The following WRN variants were observed in gnomAD, a reference collection of about 807,000 sequenced individuals.
WRN encodes bifunctional 3'-5' exonuclease/ATP-dependent helicase WRN.
Under a neutral mutation model 180.7 loss-of-function variants are expected in WRN, and 149 were observed. The observed-to-expected ratio is 0.82, with a 90% CI of 0.72 to 0.94. The LOEUF (loss-of-function observed/expected upper bound fraction) is 0.94. Among genes scored for constraint, WRN ranks in the 40% least tolerant of loss-of-function variants. The pLI, the probability that WRN is intolerant of heterozygous loss-of-function variation, is 0.00. For missense variants in WRN, 1,661 were observed against 1,700.1 expected (o/e 0.98, Z 0.40); for synonymous variants, 548 against 568.9 (o/e 0.96, Z 0.52).
At chr8:31,118,256 C>T (rs193004260) in intron 20 of WRN, among the ~76,000 whole-genome samples, 2 of 152,096 alleles carry the variant, frequency 1.3e-5, no homozygotes, top group Admixed American at 6.6e-5. Flanking sequence ...GTATGTGTTG[C>T]GGTATTCTCC....
intron 7 of WRN, 146 bp downstream of exon 7, chr8:31,068,473 C>A: frequency 1.5e-6 from 1 of 670,918 alleles, no homozygotes. Flanking sequence ...TGGGATCCAT[C>A]AGGGCCCAAG....
chr8:31,079,031 A>G (rs1813202493), intron 8 of WRN, among the ~76,000 whole-genome samples: 1 of 152,208 alleles, frequency 6.6e-6, no homozygotes, highest in Non-Finnish European at 1.5e-5. Context: ...CTACTAAACT[A>G]TTTGCATATA....
intron 7 of WRN, among the ~76,000 whole-genome samples, chr8:31,070,584 A>G (rs1228487492): frequency 6.6e-6 from 1 of 152,078 alleles, no homozygotes; most frequent in African/African-American, 2.4e-5. Context: ...TATTGGGGAT[A>G]TAGATGAGTG....
intron 19 of WRN, among the ~76,000 whole-genome samples, chr8:31,114,789 A>C (rs1376065725): frequency 6.6e-6 from 1 of 151,884 alleles, no homozygotes; most frequent in Non-Finnish European, 1.5e-5. Context: ...CTATCTTTCC[A>C]TATATTGCAT....
chr8:31,148,255 C>G (rs1170773977), intron 30 of WRN, among the ~76,000 whole-genome samples: 2 of 151,852 alleles, frequency 1.3e-5, no homozygotes, highest in African/African-American at 4.8e-5. Context: ...CTATGCCTTC[C>G]TCCTCCTTCT....
intron 6 of WRN, 99 bp downstream of exon 6, chr8:31,067,281 C>A: frequency 7.4e-7 from 1 of 1,348,842 alleles, no homozygotes; most frequent in Non-Finnish European, 1.0e-6. Context: ...AGAAACTCTA[C>A]CAAAATATTT....
chr8:31,075,094 T>C (rs1813048048), intron 7 of WRN, among the ~76,000 whole-genome samples: 1 of 152,152 alleles, frequency 6.6e-6, no homozygotes, highest in African/African-American at 2.4e-5. Context: ...CCTGTGGATG[T>C]TGAACTCACT....
chr8:31,061,540 TA>T (rs980477386), intron 3 of WRN, among the ~76,000 whole-genome samples: 1 of 151,708 alleles, frequency 6.6e-6, no homozygotes, highest in African/African-American at 2.4e-5. Flanking sequence ...TTTTTTTTTT[TA>T]ATTAGGCATT....
chr8:31,054,288 G>A (rs1812182676), intron 1 of WRN, among the ~76,000 whole-genome samples: 1 of 152,102 alleles, frequency 6.6e-6, no homozygotes, highest in African/African-American at 2.4e-5. Context: ...TGAAAGTAAG[G>A]TGAAAGGGAA....
chr8:31,070,547 C>G (rs1789831744), intron 7 of WRN, among the ~76,000 whole-genome samples: 1 of 152,026 alleles, frequency 6.6e-6, no homozygotes, highest in African/African-American at 2.4e-5. Context: ...GCCAGGCATA[C>G]TCTGTTTCCT....
rs73670549 is a variant in WRN, at chr8:31,072,720, G to A, written c.725-3453G>A. Among the ~76,000 whole-genome samples the A allele has an allele frequency of 4.7e-3, 709 of 152,318 alleles. 7 individuals are homozygous for A. The highest frequency in any genetic ancestry group is 0.016 in the African/African-American group (665 of 41,566). ...TGTTCTAGAAGCTTAGTTTGGAAAG[G>A]GAACGTTTATTGATGCATATAACAC... On this transcript the variant is annotated intron_variant, in intron 7 of 34. Transcript: ENST00000298139.
rs762881466 is a variant in WRN at position 31,116,527 on chromosome 8, A to G, written c.2447A>G (p.Gln816Arg). ...CATAGGTTTGTAAGAGATGAAATTC[A>G]GGTATGAGGATCAATCATCATTGCT... ...IHHRFVRDEI[Q>R]CVIATIAFGM... Residue 816 changes from glutamine (Q) to arginine (R), a missense_variant and splice_region_variant, in exon 20 of 35, where the codon CAG becomes CGG. Coordinates refer to ENST00000298139, the MANE Select transcript of WRN (RefSeq NM_000553.6). 1.2e-6 allele frequency: 2 copies of G among 1,613,694 alleles called. No individual in the cohort carries two copies. Among genetic ancestry groups the G allele is most frequent in the Admixed American group, 1.7e-5 (1 of 60,024 alleles).
chr8:31,118,244 A>G (rs2130312619), intron 20 of WRN, among the ~76,000 whole-genome samples: 1 of 152,200 alleles, frequency 6.6e-6, no homozygotes, highest in South Asian at 2.1e-4. Flanking sequence ...GAGTATATGC[A>G]TGTATGTGTT....
intron 31 of WRN, among the ~76,000 whole-genome samples, chr8:31,151,568 A>T (rs1803129139): frequency 1.3e-5 from 2 of 152,212 alleles, no homozygotes; most frequent in Non-Finnish European, 1.5e-5. Context: ...AAAGAATATC[A>T]TACCTACCAG....
intron 33 of WRN, among the ~76,000 whole-genome samples, chr8:31,160,765 A>C (rs1803579140): frequency 6.6e-6 from 1 of 152,114 alleles, no homozygotes; most frequent in South Asian, 2.1e-4. Flanking sequence ...CGGGCAGGTC[A>C]CTGAGGTCAG....
intron 18 of WRN, among the ~76,000 whole-genome samples, chr8:31,103,557 T>C (rs1330341916): frequency 9.2e-6 from 1 of 108,302 alleles, no homozygotes. Flanking sequence ...AAGTACCACA[T>C]GACTATTTTT....
At chr8:31,097,348 A>C (rs1194303594) in intron 17 of WRN, among the ~76,000 whole-genome samples, 1 of 152,186 alleles carries the variant, frequency 6.6e-6, no homozygotes, top group Admixed American at 6.5e-5. Flanking sequence ...CCCAACTCTG[A>C]AAATTCTGAT....
At chr8:31,153,265 C>G (rs1296146415) in intron 31 of WRN, among the ~76,000 whole-genome samples, 1 of 152,142 alleles carries the variant, frequency 6.6e-6, no homozygotes, top group Non-Finnish European at 1.5e-5. Flanking sequence ...TTCCCCAAAA[C>G]CCAACTACCC....
chr8:31,110,715 TC>T (rs1801279216), intron 18 of WRN, among the ~76,000 whole-genome samples: 1 of 152,182 alleles, frequency 6.6e-6, no homozygotes, highest in Non-Finnish European at 1.5e-5. Flanking sequence ...GAATATTGTT[TC>T]TTGTATCTGT....
Sources: allele counts gnomAD v4.1 joint callset (sites outside exome capture counted in the v4.1 genomes callset), GRCh38; gene constraint gnomAD v4.1.1; transcripts MANE v1.5; gene names NCBI Gene and HGNC (gene_info 2026-07-23, HGNC 2026-07-21).